Variants in KCTD16 observed in about 807,000 individuals in gnomAD.
The protein encoded by KCTD16 is potassium channel tetramerization domain containing 16, also known as BTB/POZ domain-containing protein KCTD16.
KCTD16 carries 13 observed loss-of-function variants against 33.2 expected under a neutral mutation model. The ratio of observed to expected loss-of-function variants is 0.39; its 90% confidence interval spans 0.25 to 0.62. The LOEUF is 0.62. KCTD16 is among the 20% of genes least tolerant of loss of function. The pLI, the probability that KCTD16 is intolerant of heterozygous loss-of-function variation, is 0.50. For synonymous variants in KCTD16, 197 were observed against 195.3 expected, an observed-to-expected ratio of 1.01 and a Z score of -0.07; for missense variants, 441 against 525.1, an observed-to-expected ratio of 0.84 and a Z score of 1.57.
chr5:144,192,001 A>G (rs1268430468), intron 2 of KCTD16, among the ~76,000 whole-genome samples: 1 of 152,218 alleles, frequency 6.6e-6, no homozygotes, highest in Non-Finnish European at 1.5e-5. Flanking sequence ...TCTTGAGGCT[A>G]CAGTGAGAAG....
intron 3 of KCTD16, among the ~76,000 whole-genome samples, chr5:144,328,802 T>C (rs912162090): frequency 1.3e-5 from 2 of 151,938 alleles, no homozygotes; most frequent in Non-Finnish European, 2.9e-5. Context: ...TTCTCCACTG[T>C]GAAAAGCACT....
Position 144,448,619 on chromosome 5 carries a change from C to A in KCTD16, c.833-25041C>A, listed in dbSNP as rs187475424. ...AGGAGTGGATTCTTATCAGCAGTTG[C>A]ATTAAAACAGCATTAGAGACAAGAG... On this transcript the variant is annotated intron_variant, in intron 3 of 3. Transcript: ENST00000512467. 1.3e-3 allele frequency among the ~76,000 whole-genome samples: 191 copies of A among 152,142 alleles called. 1 individual carries two copies. Among genetic ancestry groups the A allele is most frequent in the South Asian group, 0.011 (53 of 4,818 alleles).
intron 3 of KCTD16, among the ~76,000 whole-genome samples, chr5:144,328,916 A>G (rs1322315606): frequency 1.3e-5 from 2 of 150,748 alleles, no homozygotes; most frequent in Non-Finnish European, 2.9e-5. Context: ...CATTGATGCC[A>G]ATCGTTCTTG....
chr5:144,462,524 C>A, intron 3 of KCTD16, among the ~76,000 whole-genome samples: 1 of 111,310 alleles, frequency 9.0e-6, no homozygotes, highest in African/African-American at 3.4e-5. Context: ...GTCCAGCCAT[C>A]AGAGCTATTA....
intron 3 of KCTD16, among the ~76,000 whole-genome samples, chr5:144,396,726 A>G (rs1350616353): frequency 2.0e-5 from 3 of 152,050 alleles, no homozygotes; most frequent in Non-Finnish European, 4.4e-5. Flanking sequence ...AAAACACCCA[A>G]GAATTGCTCT....
intron 3 of KCTD16, among the ~76,000 whole-genome samples, chr5:144,404,615 A>G (rs982859752): frequency 6.6e-6 from 1 of 152,202 alleles, no homozygotes; most frequent in Non-Finnish European, 1.5e-5. Context: ...ATATATAATT[A>G]TAAAGGAAAA....
chr5:144,268,446 T>A (rs1289432420), intron 3 of KCTD16, among the ~76,000 whole-genome samples: 2 of 152,078 alleles, frequency 1.3e-5, no homozygotes, highest in African/African-American at 4.8e-5. Flanking sequence ...CACAGGACAG[T>A]CACAAATAAC....
At position 144,437,416 on chromosome 5, in the gene KCTD16, C is replaced by A. The variant is rs936427227; in HGVS notation, c.833-36244C>A. On this transcript the variant is annotated intron_variant, in intron 3 of 3. Coordinates refer to ENST00000512467, the MANE Select transcript of KCTD16 (RefSeq NM_020768.4). ...CAAAAGCCTAGTTTCAAATCCCAGT[C>A]CCATGTCTTAATTTATTTGTTCTTC... Among the ~76,000 whole-genome samples, 8 of 152,228 alleles carry A rather than the reference C, an allele frequency of 5.3e-5. No homozygotes were observed. The South Asian group carries it at 1.0e-3, about 20-fold the overall frequency.
At chr5:144,271,760 T>TACACAC (rs3077273) in intron 3 of KCTD16, among the ~76,000 whole-genome samples, 3 of 146,118 alleles carry the variant, frequency 2.1e-5, no homozygotes, top group South Asian at 2.2e-4. Context: ...GACTAAAAAC[T>TACACAC]ACACACACAC....
intron 3 of KCTD16, among the ~76,000 whole-genome samples, chr5:144,248,862 C>A (rs1011187984): frequency 2.0e-5 from 3 of 152,092 alleles, no homozygotes; most frequent in Non-Finnish European, 4.4e-5. Flanking sequence ...GTTTGACATG[C>A]CTATTCGTTT....
intron 3 of KCTD16, among the ~76,000 whole-genome samples, chr5:144,354,166 A>C (rs1352559397): frequency 2.0e-5 from 3 of 152,072 alleles, no homozygotes; most frequent in African/African-American, 7.3e-5. Context: ...CAACTCTAAA[A>C]AAATTTTGTA....
intron 3 of KCTD16, among the ~76,000 whole-genome samples, chr5:144,405,830 G>C (rs1213180304): frequency 1.3e-5 from 2 of 152,168 alleles, no homozygotes; most frequent in African/African-American, 4.8e-5. Flanking sequence ...AAAGACCCAA[G>C]ACAGTAGGGC....
chr5:144,347,812 G>A (rs552311388), intron 3 of KCTD16, among the ~76,000 whole-genome samples: 77 of 152,218 alleles, frequency 5.1e-4, no homozygotes, highest in Middle Eastern at 3.4e-3. Flanking sequence ...CTCATCTGGG[G>A]GGATCTCTTC....
At chr5:144,309,633 A>G (rs1309706765) in intron 3 of KCTD16, among the ~76,000 whole-genome samples, 2 of 152,206 alleles carry the variant, frequency 1.3e-5, no homozygotes, top group East Asian at 3.8e-4. Context: ...TTCTGGATAC[A>G]GATGGCAGAA....
At chr5:144,175,492 A>G (rs2126769916) in intron 2 of KCTD16, among the ~76,000 whole-genome samples, 1 of 152,342 alleles carries the variant, frequency 6.6e-6, no homozygotes, top group South Asian at 2.1e-4. Context: ...CTCCACATGT[A>G]TATATATTCA....
rs1751410520 is a variant in KCTD16, at chr5:144,350,837, C to T, written c.833-122823C>T. 2.7e-5 allele frequency among the ~76,000 whole-genome samples: 4 copies of T among 150,178 alleles called. No homozygotes were observed. In the South Asian group the frequency reaches 6.3e-4, roughly 24 times the overall value. On this transcript the variant is annotated intron_variant, in intron 3 of 3. Coordinates refer to ENST00000512467, the MANE Select transcript of KCTD16 (RefSeq NM_020768.4). The stretch of plus-strand genomic sequence containing the variant: ...ACAGACAGTGATTATTATTGATCTT[C>T]TCTGTCACATGCGGATATTTTGTGG...
intron 3 of KCTD16, among the ~76,000 whole-genome samples, chr5:144,234,775 A>G (rs1754202441): frequency 6.6e-6 from 1 of 152,078 alleles, no homozygotes; most frequent in African/African-American, 2.4e-5. Context: ...TTATGTGTAC[A>G]TGTATTATGT....
At chr5:144,224,498 T>C (rs1412561633) in intron 3 of KCTD16, among the ~76,000 whole-genome samples, 1 of 151,648 alleles carries the variant, frequency 6.6e-6, no homozygotes, top group Non-Finnish European at 1.5e-5. Context: ...AAAAAATCTA[T>C]TTTGGGTGTG....
chr5:144,399,436 G>A (rs960213285), intron 3 of KCTD16, among the ~76,000 whole-genome samples: 11 of 151,908 alleles, frequency 7.2e-5, no homozygotes, highest in African/African-American at 1.9e-4. Context: ...TGTTGTTACT[G>A]CTTATTTAGA....
Sources: allele counts gnomAD v4.1 joint callset (sites outside exome capture counted in the v4.1 genomes callset), GRCh38; gene constraint gnomAD v4.1.1; transcripts MANE v1.5; gene names NCBI Gene and HGNC (gene_info 2026-07-23, HGNC 2026-07-21).